STK39: variants seen among roughly 807,000 people sequenced by gnomAD.
The protein encoded by STK39 is STE20/SPS1-related proline-alanine-rich protein kinase.
In STK39, 20 loss-of-function variants were observed where a neutral mutation model predicts 77.8. The ratio of observed to expected loss-of-function variants is 0.26; its 90% CI spans 0.18 to 0.37. STK39 has a LOEUF of 0.37. STK39 is among the 10% of genes least tolerant of loss of function. STK39 has a pLI of 1.00. For missense variants in STK39, 479 were observed against 656.5 expected (o/e 0.73, Z 2.95); for synonymous variants, 246 against 234.1 (o/e 1.05, Z -0.47).
chr2:168,075,965 T>C (rs1380252364), intron 10 of STK39, among the ~76,000 whole-genome samples: 1 of 152,202 alleles, frequency 6.6e-6, no homozygotes, highest in Non-Finnish European at 1.5e-5. Flanking sequence ...ATGTAATCCA[T>C]AGGGCAAGCT....
At chr2:168,116,663 T>C (rs1174431365) in intron 10 of STK39, among the ~76,000 whole-genome samples, 1 of 152,150 alleles carries the variant, frequency 6.6e-6, no homozygotes, top group Non-Finnish European at 1.5e-5. Context: ...CCACATTCCC[T>C]GTGATTGAAT....
chr2:168,017,968 A>T (rs1375766761), intron 14 of STK39, among the ~76,000 whole-genome samples: 1 of 152,156 alleles, frequency 6.6e-6, no homozygotes, highest in Non-Finnish European at 1.5e-5. Flanking sequence ...GTAAATGTAA[A>T]GGCTTACACA....
At chr2:168,062,254 C>A (rs535765204) in intron 14 of STK39, among the ~76,000 whole-genome samples, 1 of 152,114 alleles carries the variant, frequency 6.6e-6, no homozygotes, top group Non-Finnish European at 1.5e-5. Context: ...GAGCTCCTGG[C>A]GCAGAGTGGG....
At chr2:168,002,300 G>A (rs2105299046) in intron 16 of STK39, among the ~76,000 whole-genome samples, 1 of 152,354 alleles carries the variant, frequency 6.6e-6, no homozygotes, top group East Asian at 1.9e-4. Context: ...CACAGAAACT[G>A]AGAACGTCTT....
chr2:168,190,508 C>T (rs1302634192), intron 1 of STK39, among the ~76,000 whole-genome samples: 3 of 152,124 alleles, frequency 2.0e-5, no homozygotes, highest in African/African-American at 7.2e-5. Flanking sequence ...ATGTTCCATC[C>T]GAATTTCAAT....
At chr2:168,203,236 GGGTTC>G (rs1239290768) in intron 1 of STK39, among the ~76,000 whole-genome samples, 4 of 152,108 alleles carry the variant, frequency 2.6e-5, no homozygotes, top group Admixed American at 1.3e-4. Context: ...AGAGTTAGAG[GGGTTC>G]TGCCTGAAAG....
In STK39 at chr2:168,079,532, C is replaced by T. The variant is rs182586309; in HGVS notation, c.1090-4301G>A. ...TGCCTGGTGCCACTACAGATGGCCACCGGCCACTCCTAGATGGGGCATCAG... is the reference window on the plus strand; with the variant it reads ...TGCCTGGTGCCACTACAGATGGCCATCGGCCACTCCTAGATGGGGCATCAG... On this transcript the variant is annotated intron_variant, in intron 10 of 17. Transcript: ENST00000355999. Among the ~76,000 whole-genome samples, 353 of 152,324 alleles carry T rather than the reference C, an allele frequency of 2.3e-3. 5 individuals are homozygous for T. The highest frequency in any genetic ancestry group is 6.8e-3 in the Middle Eastern group (2 of 294).
At chr2:168,231,906 G>T in intron 1 of STK39, 1 of 235,622 alleles carries the variant, frequency 4.2e-6, no homozygotes, top group South Asian at 7.9e-5. Context: ...GGGGGAGGAA[G>T]GGGCCACCCA....
rs77527265 is a variant in STK39, at chr2:167,977,157, G to A, written c.1499-12431C>T. Reference sequence around the variant, plus strand: ...GTGCAAATGTCTGATTCGGTTTGGCGTAACAAAACTGGCTGATACTGGATC... The same window carrying A: ...GTGCAAATGTCTGATTCGGTTTGGCATAACAAAACTGGCTGATACTGGATC... On this transcript the variant is annotated intron_variant, in intron 16 of 17. Transcript: ENST00000355999. Among the ~76,000 whole-genome samples the A allele has an allele frequency of 9.4e-3, 1,437 of 152,232 alleles. 23 individuals carry two copies. Among genetic ancestry groups the A allele is most frequent in the African/African-American group, 0.033 (1,362 of 41,532 alleles).
At position 168,138,082 on chromosome 2, in the gene STK39, A is replaced by C; in HGVS notation, c.974+6T>G. 1 of 1,613,112 alleles carries C rather than the reference A, an allele frequency of 6.2e-7. No homozygotes were observed. Among genetic ancestry groups the C allele is most frequent in the Non-Finnish European group, 8.5e-7 (1 of 1,179,480 alleles). On this transcript the variant is annotated splice_donor_region_variant and intron_variant, in intron 8 of 17. Coordinates refer to ENST00000355999, the MANE Select transcript of STK39 (RefSeq NM_013233.3). The stretch of plus-strand genomic sequence containing the variant: ...GTCATTAACTCATCCACTAAGTTTC[A>C]CTTACCTTTTGGAAGGATCTTTCTG...
At chr2:168,129,457 T>G in intron 10 of STK39, 84 bp downstream of exon 10, 1 of 1,477,676 alleles carries the variant, frequency 6.8e-7, no homozygotes, top group Non-Finnish European at 9.4e-7. Flanking sequence ...CCTGCATATG[T>G]GGAAATCTTT....
chr2:168,132,496 TCC>T (rs897379111), intron 8 of STK39, among the ~76,000 whole-genome samples: 12 of 152,018 alleles, frequency 7.9e-5, no homozygotes, highest in Admixed American at 2.6e-4. Flanking sequence ...CATCCTCATC[TCC>T]CCACACCCGC....
intron 5 of STK39, among the ~76,000 whole-genome samples, chr2:168,152,841 A>G (rs144086073): frequency 1.6e-3 from 238 of 152,336 alleles, no homozygotes; most frequent in Admixed American, 2.7e-3. Context: ...TCAAATATTA[A>G]TAAGTCTAAA....
intron 12 of STK39, among the ~76,000 whole-genome samples, chr2:168,065,683 AG>A (rs1421377898): frequency 6.6e-6 from 1 of 152,192 alleles, no homozygotes; most frequent in Non-Finnish European, 1.5e-5. Context: ...TAAAGTGAAA[AG>A]GCATGAATTA....
intron 14 of STK39, among the ~76,000 whole-genome samples, chr2:168,022,813 A>T (rs1313977843): frequency 6.6e-6 from 1 of 152,248 alleles, no homozygotes; most frequent in Non-Finnish European, 1.5e-5. Context: ...CCACAGACTG[A>T]AGGCATGGGA....
intron 15 of STK39, among the ~76,000 whole-genome samples, chr2:168,015,111 C>T (rs1684372691): frequency 6.6e-6 from 1 of 152,132 alleles, no homozygotes; most frequent in African/African-American, 2.4e-5. Flanking sequence ...TGTGAAATAA[C>T]TTATTTCATG....
At chr2:168,204,875 G>A (rs746988118) in intron 1 of STK39, among the ~76,000 whole-genome samples, 12 of 152,240 alleles carry the variant, frequency 7.9e-5, no homozygotes, top group Non-Finnish European at 1.6e-4. Context: ...AATACTCTCC[G>A]CAAGTTCCCT....
At chr2:168,246,388 A>T (rs1368799968) in intron 1 of STK39, among the ~76,000 whole-genome samples, 1 of 152,260 alleles carries the variant, frequency 6.6e-6, no homozygotes, top group Non-Finnish European at 1.5e-5. Context: ...ATGTAAGATA[A>T]GGTGATATTT....
intron 12 of STK39, among the ~76,000 whole-genome samples, chr2:168,069,854 T>C (rs1209124868): frequency 6.6e-6 from 1 of 152,236 alleles, no homozygotes. Context: ...TCATGTCACC[T>C]AACTGAGATG....
Sources: allele counts gnomAD v4.1 joint callset (sites outside exome capture counted in the v4.1 genomes callset), GRCh38; gene constraint gnomAD v4.1.1; transcripts MANE v1.5; gene names NCBI Gene and HGNC (gene_info 2026-07-23, HGNC 2026-07-21).